Variants in CNNM4 observed in about 807,000 individuals in gnomAD.
CNNM4 encodes the protein cyclin and CBS domain divalent metal cation transport mediator 4.
Under a neutral mutation model 53.7 loss-of-function variants are expected in CNNM4, and 32 were observed. The ratio of observed to expected loss-of-function variants is 0.60; its 90% CI spans 0.45 to 0.80. The LOEUF is 0.80. Ranked by LOEUF, CNNM4 falls within the 30% of genes least tolerant of loss-of-function variation. CNNM4 has a pLI of 0.00. For missense variants in CNNM4, 784 were observed against 1,022.0 expected (o/e 0.77, Z 3.17); for synonymous variants, 410 against 440.0 (o/e 0.93, Z 0.85).
At chr2:96,764,450 A>G (rs2078794664) in intron 1 of CNNM4, among the ~76,000 whole-genome samples, 1 of 152,190 alleles carries the variant, frequency 6.6e-6, no homozygotes, top group South Asian at 2.1e-4. Context: ...TGCCCAGCAC[A>G]GCAGGCCGCC....
chr2:96,804,407 T>A (rs1214725209), intron 5 of CNNM4, among the ~76,000 whole-genome samples: 1 of 145,958 alleles, frequency 6.9e-6, no homozygotes, highest in African/African-American at 2.5e-5. Context: ...AGTTTTGTAT[T>A]TTTTTTTTTT....
intron 1 of CNNM4, among the ~76,000 whole-genome samples, chr2:96,770,425 C>G (rs1425124592): frequency 1.3e-5 from 2 of 152,120 alleles, no homozygotes; most frequent in African/African-American, 2.4e-5. Flanking sequence ...AGGCCTGTCT[C>G]GTAAGTAAAA....
intron 1 of CNNM4, among the ~76,000 whole-genome samples, chr2:96,792,149 G>C (rs2079067431): frequency 6.6e-6 from 1 of 151,310 alleles, no homozygotes; most frequent in Admixed American, 6.6e-5. Flanking sequence ...GGCAGACTGA[G>C]GTGGGAGAAT....
chr2:96,765,775 T>G (rs945852355), intron 1 of CNNM4, among the ~76,000 whole-genome samples: 7 of 149,502 alleles, frequency 4.7e-5, no homozygotes, highest in African/African-American at 1.8e-4. Flanking sequence ...TTGCTGTTCT[T>G]TTTTTCTTTC....
At position 96,800,604 on chromosome 2, in the gene CNNM4, C is replaced by T. The variant is rs1180453102; in HGVS notation, c.1948+956C>T. ...TCCCTGGGCAGGGGACAGACAGGGC[C>T]CCAGAGCGGGGCTCTGAGCAGGTTA... On this transcript the variant is annotated intron_variant, in intron 5 of 6. Transcript: ENST00000377075. The surrounding 1 kb of genome is among the most constrained non-coding windows in gnomAD (Gnocchi z 4.6). 6.6e-6 allele frequency among the ~76,000 whole-genome samples: 1 copy of T among 152,232 alleles called. No individual in the cohort carries two copies.
At chr2:96,779,765 T>C (rs987256355) in intron 1 of CNNM4, among the ~76,000 whole-genome samples, 8 of 152,142 alleles carry the variant, frequency 5.3e-5, no homozygotes, top group Non-Finnish European at 1.0e-4. Flanking sequence ...GGGAATTTTA[T>C]GGAATTGCAC....
chr2:96,761,239 C>G lies in CNNM4; in HGVS notation c.240C>G (p.Gly80=). The G allele has an allele frequency of 6.2e-7, 1 of 1,614,138 alleles. No homozygotes were observed. Among genetic ancestry groups the G allele is most frequent in the African/African-American group, 1.3e-5 (1 of 75,054 alleles). ...GCACCGTGAACCTGAGGCTGTACGG[C>G]TACAGCCTGGGCAACATCTCCAGCA... ...EGSTVNLRLY[G]YSLGNISSNL... Residue 80 remains glycine, a synonymous_variant, in exon 1 of 7, where the codon GGC becomes GGG. Transcript: ENST00000377075. The surrounding 1 kb of genome is among the most constrained non-coding windows in gnomAD (Gnocchi z 6.0).
rs1179884386 is a variant in CNNM4 at position 96,800,861 on chromosome 2, T to C, written c.1948+1213T>C. Among the ~76,000 whole-genome samples the C allele has an allele frequency of 6.8e-6, 1 of 147,476 alleles. No individual in the cohort carries two copies. The highest frequency in any genetic ancestry group is 1.5e-5 in the Non-Finnish European group (1 of 68,008). On this transcript the variant is annotated intron_variant, in intron 5 of 6. Coordinates refer to ENST00000377075, the MANE Select transcript of CNNM4 (RefSeq NM_020184.4). The surrounding 1 kb of genome is among the most constrained non-coding windows in gnomAD (Gnocchi z 4.6). ...GTGGCCAGAAGAGAGGGGAGATGAC[T>C]GGGCACACTCAGCCAGCTTCTGCCT...
At chr2:96,778,942 G>A (rs915316492) in intron 1 of CNNM4, among the ~76,000 whole-genome samples, 1 of 151,870 alleles carries the variant, frequency 6.6e-6, no homozygotes, top group Admixed American at 6.6e-5. Flanking sequence ...TGTGAGACTG[G>A]GTGATTTATT....
At chr2:96,794,346 A>G (rs972609102) in intron 1 of CNNM4, among the ~76,000 whole-genome samples, 2 of 152,184 alleles carry the variant, frequency 1.3e-5, no homozygotes, top group African/African-American at 4.8e-5. Flanking sequence ...GAGAGGCAAA[A>G]TAGCCTCCTC....
chr2:96,799,292 C>T, intron 4 of CNNM4, 66 bp downstream of exon 4: 2 of 1,586,700 alleles, frequency 1.3e-6, no homozygotes, highest in South Asian at 2.2e-5. Flanking sequence ...CCCAGGCCCT[C>T]TCTCCCACCT....
Position 96,761,543 on chromosome 2 carries a change from C to T in CNNM4, c.544C>T (p.Leu182Phe). The T allele has an allele frequency of 1.9e-6, 3 of 1,614,098 alleles. No individual in the cohort carries two copies. Among genetic ancestry groups the T allele is most frequent in the Non-Finnish European group, 2.5e-6 (3 of 1,179,962 alleles). ...GGAGGAGCCTGGGAGGTTCCTGCCT[C>T]TCTGGCTGCACATTCTCCTAATTAC... ...MVEEPGRFLP[L>F]WLHILLITVL... Residue 182 changes from leucine (L) to phenylalanine (F), a missense_variant, in exon 1 of 7, where the codon CTC becomes TTC. Leu to Phe is a conservative substitution (Grantham distance 22, BLOSUM62 0). This residue lies in a region of CNNM4 where 473 missense variants were observed against 624.6 expected (regional missense o/e 0.76). Transcript: ENST00000377075. The surrounding 1 kb of genome is among the most constrained non-coding windows in gnomAD (Gnocchi z 6.0).
chr2:96,769,047 C>T (rs565046734), intron 1 of CNNM4, among the ~76,000 whole-genome samples: 8 of 152,154 alleles, frequency 5.3e-5, no homozygotes, highest in African/African-American at 1.9e-4. Context: ...GTCAGGAGAT[C>T]GAGACCATCC....
chr2:96,806,257 T>C (rs1011653415), intron 5 of CNNM4, among the ~76,000 whole-genome samples: 1 of 152,136 alleles, frequency 6.6e-6, no homozygotes, highest in Admixed American at 6.5e-5. Flanking sequence ...GCTAAAATGT[T>C]CTCAAATCTA....
Position 96,797,289 on chromosome 2 carries a change from C to T in CNNM4, c.1546+134C>T. On this transcript the variant is annotated intron_variant, in intron 2 of 6. Transcript: ENST00000377075. This position sits in a 1 kb window ranked among gnomAD's most constrained non-coding sequence, Gnocchi z 6.0. ...AGAGGCCCAGTGGCTGGGTGCCCTG[C>T]ACTGGCCGGGGTGAGCAGGGAGCAG... 1.4e-6 allele frequency: 2 copies of T among 1,399,782 alleles called. No homozygotes were observed. Among genetic ancestry groups the T allele is most frequent in the South Asian group, 1.2e-5 (1 of 84,772 alleles). The allele number at this position is 1,399,782 out of a possible 1,614,324, so 86.7% of individuals were successfully genotyped here. A position where few individuals can be genotyped will look rare whatever the true frequency, so the allele number is the denominator to read the frequency against.
At chr2:96,765,483 GCATCT>G (rs1399391935) in intron 1 of CNNM4, among the ~76,000 whole-genome samples, 1 of 152,140 alleles carries the variant, frequency 6.6e-6, no homozygotes, top group Non-Finnish European at 1.5e-5. Flanking sequence ...GTCTAGCCCA[GCATCT>G]CTCTCTGAGG....
intron 1 of CNNM4, among the ~76,000 whole-genome samples, chr2:96,787,490 A>G (rs575021657): frequency 6.6e-6 from 1 of 152,310 alleles, no homozygotes; most frequent in Non-Finnish European, 1.5e-5. Context: ...CTTTCATTGA[A>G]TAATCTCTCT....
chr2:96,762,063 T>C lies in CNNM4; in HGVS notation c.1064T>C (p.Val355Ala). The C allele has an allele frequency of 6.2e-7, 1 of 1,614,024 alleles. No homozygotes were observed. The highest frequency in any genetic ancestry group is 1.3e-5 in the African/African-American group (1 of 74,990). ...GTGACGGAGCCCTATAATGACCTCGTGAAAGAGGAGCTCAATATGATCCAG... is the reference window on the plus strand; with the variant it reads ...GTGACGGAGCCCTATAATGACCTCGCGAAAGAGGAGCTCAATATGATCCAG... Reference protein sequence around the residue: ...LKVTEPYNDLVKEELNMIQGA... With the variant: ...LKVTEPYNDLAKEELNMIQGA... The change falls in exon 1 of 7, where the codon GTG becomes GCG. Residue 355 changes from valine to alanine, a missense_variant. Physicochemically the swap from Val to Ala is moderately conservative, Grantham distance 64. This residue lies in a region of CNNM4 where 473 missense variants were observed against 624.6 expected (regional missense o/e 0.76). Coordinates refer to ENST00000377075, the MANE Select transcript of CNNM4 (RefSeq NM_020184.4).
In CNNM4 at chr2:96,785,679, C is replaced by T. The variant is rs1027964287; in HGVS notation, c.1403-11333C>T. Among the ~76,000 whole-genome samples the T allele has an allele frequency of 4.0e-5, 6 of 151,864 alleles. 1 individual carries two copies. In the East Asian group the frequency reaches 9.7e-4, roughly 24 times the overall value. On this transcript the variant is annotated intron_variant, in intron 1 of 6. Transcript: ENST00000377075. ...ATTAGCTGGGCGTGGTAGCATGTGC[C>T]GGTAGTCCCAGCTATTCTGGAGGCT...
Sources: allele counts gnomAD v4.1 joint callset (sites outside exome capture counted in the v4.1 genomes callset), GRCh38; gene constraint gnomAD v4.1.1; regional missense constraint gnomAD v4.1.1; non-coding constraint Gnocchi (gnomAD v3.1); transcripts MANE v1.5; gene names NCBI Gene and HGNC (gene_info 2026-07-23, HGNC 2026-07-21).